Variants in ZNF35 observed in about 807,000 individuals in gnomAD.
ZNF35 encodes zinc finger protein 35.
A neutral mutation model predicts 45.9 loss-of-function variants in ZNF35; 31 were observed. The observed-to-expected ratio is 0.68, with a 90% CI of 0.51 to 0.91. The LOEUF (loss-of-function observed/expected upper bound fraction) is 0.91, where lower values mean the gene tolerates loss of function less well. Ranked by LOEUF, ZNF35 falls within the 40% of genes least tolerant of loss-of-function variation. ZNF35 has a pLI of 0.00. For missense variants in ZNF35, 515 were observed against 625.4 expected, an observed-to-expected ratio of 0.82 and a Z score of 1.88; for synonymous variants, 205 against 220.2, an observed-to-expected ratio of 0.93 and a Z score of 0.61.
At chr3:44,651,536 C>T (rs1016003109) in intron 2 of ZNF35, among the ~76,000 whole-genome samples, 1 of 152,068 alleles carries the variant, frequency 6.6e-6, no homozygotes, top group African/African-American at 2.4e-5. Context: ...CCTATTAAAT[C>T]AGAATCCGTG....
rs1396971202 is a variant in ZNF35, at chr3:44,660,414, A to G, written c.*467A>G. On this transcript the variant is annotated 3_prime_UTR_variant, in exon 4 of 4. Coordinates refer to ENST00000396056, the MANE Select transcript of ZNF35 (RefSeq NM_003420.4). Reference sequence around the variant, plus strand: ...AACCACTTGGGGTAGCAGTTCAACAATTCACTTACGAATGTTTATAAGCTT... The same window carrying G: ...AACCACTTGGGGTAGCAGTTCAACAGTTCACTTACGAATGTTTATAAGCTT... The G allele has an allele frequency of 6.5e-6, 1 of 153,538 alleles. No individual in the cohort carries two copies. Among genetic ancestry groups the G allele is most frequent in the Non-Finnish European group, 1.4e-5 (1 of 69,002 alleles). The allele number at this position is 153,538 out of a possible 1,614,324, so 9.5% of individuals were successfully genotyped here. A position where few individuals can be genotyped will look rare whatever the true frequency, so the allele number is the denominator to read the frequency against.
upstream of ZNF35, chr3:44,648,377 T>G (rs1406526000): frequency 6.6e-6 from 1 of 152,254 alleles, no homozygotes; most frequent in Non-Finnish European, 1.5e-5. Context: ...TGTTCATTGT[T>G]GAGTCCACAT....
intron 3 of ZNF35, among the ~76,000 whole-genome samples, 191 bp downstream of exon 3, chr3:44,652,892 A>C (rs937216033): frequency 2.6e-5 from 4 of 152,230 alleles, no homozygotes; most frequent in Admixed American, 2.0e-4. Flanking sequence ...TTTTGCACAC[A>C]GGCTCAAGAC....
intron 1 of ZNF35, among the ~76,000 whole-genome samples, chr3:44,649,398 A>G (rs1703133282): frequency 6.6e-6 from 1 of 152,246 alleles, no homozygotes; most frequent in African/African-American, 2.4e-5. Context: ...GTAAGTTGAC[A>G]TGGGGAAAAG....
intron 3 of ZNF35, 144 bp downstream of exon 3, chr3:44,652,845 C>T (rs1703228974): frequency 2.4e-6 from 2 of 828,786 alleles, no homozygotes. Context: ...AAGAGGAATG[C>T]TGAAATGCCT....
chr3:44,657,193 TC>T (rs927786240), intron 3 of ZNF35, among the ~76,000 whole-genome samples: 1 of 152,164 alleles, frequency 6.6e-6, no homozygotes, highest in African/African-American at 2.4e-5. Context: ...AACATCCTTG[TC>T]CCACCCACTC....
At chr3:44,657,517 C>A (rs1703330814) in intron 3 of ZNF35, among the ~76,000 whole-genome samples, 1 of 152,184 alleles carries the variant, frequency 6.6e-6, no homozygotes, top group Non-Finnish European at 1.5e-5. Context: ...AGGAGACAAA[C>A]ATAAAGAACT....
In ZNF35 at chr3:44,651,232, C is replaced by T. The variant is rs1474587653; in HGVS notation, c.165C>T (p.Gly55=). The part of the protein sequence containing the change: ...VWAPVQGLQT[G]LDGSEEEEKG... The stretch of plus-strand genomic sequence containing the variant: ...CCCCAGTGCAGGGTCTTCAGACAGG[C>T]CTTGATGGATCAGAAGAGGAAGAAA... The change falls in exon 2 of 4, where the codon GGC becomes GGT. Residue 55 remains glycine (G), a synonymous_variant. Coordinates refer to ENST00000396056, the MANE Select transcript of ZNF35 (RefSeq NM_003420.4). 6.2e-7 allele frequency: 1 copy of T among 1,613,486 alleles called. No homozygotes were observed. The highest frequency in any genetic ancestry group is 2.2e-5 in the East Asian group (1 of 44,860).
rs1703370800 is a variant in ZNF35, at chr3:44,659,793, AT to A, written c.1431del (p.Asn477LysfsTer54). Reference sequence around the variant, plus strand: ...AATGGAGAAAAACCTTACACATGTAATGAGTGTGGGAAGGCCTTCAGACAGA... The same window carrying A: ...AATGGAGAAAAACCTTACACATGTAAGAGTGTGGGAAGGCCTTCAGACAGA... ...IHNGEKPYTC[N>X]ECGKAFRQRS... On this transcript the variant is annotated frameshift_variant, in exon 4 of 4. Coordinates refer to ENST00000396056, the MANE Select transcript of ZNF35 (RefSeq NM_003420.4). LOFTEE classifies it high-confidence loss of function. The surrounding 1 kb of genome is among the most constrained non-coding windows in gnomAD (Gnocchi z 4.3). The A allele has an allele frequency of 3.7e-6, 6 of 1,613,930 alleles. No individual in the cohort carries two copies. Among genetic ancestry groups the A allele is most frequent in the African/African-American group, 1.3e-5 (1 of 74,904 alleles).
At chr3:44,655,757 T>A (rs1187853263) in intron 3 of ZNF35, among the ~76,000 whole-genome samples, 1 of 152,222 alleles carries the variant, frequency 6.6e-6, no homozygotes, top group African/African-American at 2.4e-5. Flanking sequence ...ATGAAAACCT[T>A]CTAGGCTACA....
upstream of ZNF35, chr3:44,646,839 C>G (rs967072634): frequency 1.3e-5 from 4 of 306,932 alleles, no homozygotes; most frequent in African/African-American, 8.7e-5. Context: ...AAAAGCAATT[C>G]AATGGAGGAG....
intron 2 of ZNF35, among the ~76,000 whole-genome samples, chr3:44,651,620 G>A (rs548380817): frequency 4.6e-5 from 7 of 152,098 alleles, no homozygotes; most frequent in Non-Finnish European, 8.8e-5. Flanking sequence ...TTGAGGTCAG[G>A]AGTTCAAGAC....
At position 44,656,502 on chromosome 3, in the gene ZNF35, C is replaced by T. The variant is rs182559253; in HGVS notation, c.338-2199C>T. Among the ~76,000 whole-genome samples, 13 of 150,150 alleles carry T rather than the reference C, an allele frequency of 8.7e-5. No homozygotes were observed. The South Asian group carries it at 1.3e-3, about 15-fold the overall frequency. On this transcript the variant is annotated intron_variant, in intron 3 of 3. Transcript: ENST00000396056. The stretch of plus-strand genomic sequence containing the variant: ...GCCTCCTGGGTTCAATTGATTCTTA[C>T]GCCTCAGCCTCCAGAGCAGTTGGGA...
chr3:44,653,038 C>T (rs904221053), intron 3 of ZNF35, among the ~76,000 whole-genome samples: 1 of 152,158 alleles, frequency 6.6e-6, no homozygotes, highest in African/African-American at 2.4e-5. Context: ...GGTAGACAGT[C>T]TAGAGGCAGT....
intron 3 of ZNF35, among the ~76,000 whole-genome samples, chr3:44,656,183 T>A (rs1444248074): frequency 6.6e-6 from 1 of 151,668 alleles, no homozygotes; most frequent in Non-Finnish European, 1.5e-5. Flanking sequence ...ATGGAAAAAT[T>A]CAAAATATTT....
At chr3:44,656,878 G>C (rs1474863320) in intron 3 of ZNF35, among the ~76,000 whole-genome samples, 2 of 131,580 alleles carry the variant, frequency 1.5e-5, no homozygotes, top group African/African-American at 2.9e-5. Context: ...TGTATTTTTA[G>C]TAGAGACGGG....
chr3:44,648,932 CG>C, intron 1 of ZNF35, 98 bp downstream of exon 1: 1 of 152,416 alleles, frequency 6.6e-6, no homozygotes, highest in Non-Finnish European at 1.5e-5. Flanking sequence ...GTCCTTTCCC[CG>C]GGGACACCAG....
Position 44,651,098 on chromosome 3 carries a change from C to T in ZNF35, c.31C>T (p.Leu11=), listed in dbSNP as rs755025030. 3.7e-6 allele frequency: 6 copies of T among 1,613,978 alleles called. No homozygotes were observed. The South Asian group carries it at 6.6e-5, about 18-fold the overall frequency. MTAELREAMA[L]APWGPVKVKK... is the part of the protein sequence containing the mutation. ...TGCAGAATTGAGAGAAGCCATGGCC[C>T]TAGCCCCATGGGGCCCAGTGAAGGT... The change falls in exon 2 of 4, where the codon CTA becomes TTA. Residue 11 remains leucine, a synonymous_variant. Transcript: ENST00000396056.
At position 44,653,477 on chromosome 3, in the gene ZNF35, T is replaced by C. The variant is rs114864679; in HGVS notation, c.337+776T>C. Among the ~76,000 whole-genome samples, 1,343 of 152,332 alleles carry C rather than the reference T, an allele frequency of 8.8e-3. 22 individuals are homozygous for C. The highest frequency in any genetic ancestry group is 0.031 in the African/African-American group (1,284 of 41,580). On this transcript the variant is annotated intron_variant, in intron 3 of 3. Transcript: ENST00000396056. ...GTGCACACATGTAGGCACATGTCCT[T>C]TTTATACGCTTTGTAGTTAGCATAG...
Sources: allele counts gnomAD v4.1 joint callset (sites outside exome capture counted in the v4.1 genomes callset), GRCh38; gene constraint gnomAD v4.1.1; non-coding constraint Gnocchi (gnomAD v3.1); transcripts MANE v1.5; gene names NCBI Gene and HGNC (gene_info 2026-07-23, HGNC 2026-07-21).